GRAMD1B: variants seen among roughly 807,000 people sequenced by gnomAD.
The protein encoded by GRAMD1B is GRAM domain containing 1B.
GRAMD1B carries 37 observed loss-of-function variants against 99.7 expected under a neutral mutation model. That is an observed-to-expected ratio of 0.37 (90% CI 0.29 to 0.49). GRAMD1B has a LOEUF of 0.49. Among genes scored for constraint, GRAMD1B ranks in the 20% least tolerant of loss-of-function variants. The pLI, the probability that GRAMD1B is intolerant of heterozygous loss-of-function variation, is 0.98. For synonymous variants in GRAMD1B, 427 were observed against 387.6 expected (o/e 1.10, Z -1.19); for missense variants, 888 against 1,009.2 (o/e 0.88, Z 1.63).
At chr11:123,527,524 T>C (rs1284167261) in intron 2 of GRAMD1B, among the ~76,000 whole-genome samples, 1 of 152,154 alleles carries the variant, frequency 6.6e-6, no homozygotes, top group Admixed American at 6.5e-5. Context: ...TTGCTATCCC[T>C]CTCTCTTACA....
chr11:123,469,257 G>T (rs148876554), intron 1 of GRAMD1B, among the ~76,000 whole-genome samples: 1 of 152,264 alleles, frequency 6.6e-6, no homozygotes, highest in Non-Finnish European at 1.5e-5. Flanking sequence ...GAAGGCTAAA[G>T]GATTTTAAGC....
intron 1 of GRAMD1B, among the ~76,000 whole-genome samples, chr11:123,387,451 A>C (rs1947104820): frequency 6.6e-6 from 1 of 152,062 alleles, no homozygotes; most frequent in Non-Finnish European, 1.5e-5. Flanking sequence ...AAACTCCCCA[A>C]AGTCACTGAG....
chr11:123,443,187 A>T (rs1405526149), intron 1 of GRAMD1B, among the ~76,000 whole-genome samples: 1 of 152,232 alleles, frequency 6.6e-6, no homozygotes, highest in African/African-American at 2.4e-5. Context: ...AACGCCTCTG[A>T]CAGAGCTGCT....
intron 1 of GRAMD1B, among the ~76,000 whole-genome samples, chr11:123,373,797 C>A (rs1946607666): frequency 6.6e-6 from 1 of 152,184 alleles, no homozygotes; most frequent in Admixed American, 6.5e-5. Flanking sequence ...TTCTGTGAAA[C>A]CCTAAACAAA....
chr11:123,381,505 A>G (rs575284075), intron 1 of GRAMD1B: 1 of 154,026 alleles, frequency 6.5e-6, no homozygotes, highest in Non-Finnish European at 1.5e-5. Context: ...AGGCCTTCCC[A>G]TCTCTGGTTG....
chr11:123,567,112 C>G (rs1408631584), intron 2 of GRAMD1B, among the ~76,000 whole-genome samples: 1 of 151,980 alleles, frequency 6.6e-6, no homozygotes, highest in South Asian at 2.1e-4. Flanking sequence ...AAGGAACCAG[C>G]ATTCAAAATG....
chr11:123,572,872 G>T (rs1273753901), intron 2 of GRAMD1B, among the ~76,000 whole-genome samples: 1 of 148,776 alleles, frequency 6.7e-6, no homozygotes, highest in Non-Finnish European at 1.5e-5. Context: ...GCACAGGTAG[G>T]CCCCGATGGC....
chr11:123,424,480 C>T (rs1272486497), intron 1 of GRAMD1B, among the ~76,000 whole-genome samples: 2 of 151,962 alleles, frequency 1.3e-5, no homozygotes, highest in African/African-American at 2.4e-5. Context: ...TAAAAACAAA[C>T]AACCAACCAA....
At position 123,448,698 on chromosome 11, in the gene GRAMD1B, G is replaced by A. The variant is rs573640117; in HGVS notation, c.374+17532G>A. Reference sequence around the variant, plus strand: ...AAACTCAGCTTGTCTTTTTGTAATTGAACTCATTATTTTTCCCTTCAAACC... The same window carrying A: ...AAACTCAGCTTGTCTTTTTGTAATTAAACTCATTATTTTTCCCTTCAAACC... On this transcript the variant is annotated intron_variant, in intron 1 of 19. Transcript: ENST00000635736. 1.2e-4 allele frequency among the ~76,000 whole-genome samples: 19 copies of A among 152,250 alleles called. No individual in the cohort carries two copies. In the South Asian group the frequency reaches 3.9e-3, roughly 32 times the overall value.
chr11:123,362,987 C>G (rs1946196255), intron 1 of GRAMD1B, among the ~76,000 whole-genome samples: 1 of 151,570 alleles, frequency 6.6e-6, no homozygotes, highest in Admixed American at 6.6e-5. Context: ...GGAAGCAAGC[C>G]AAAGAGGAGG....
At chr11:123,617,584 G>A (rs1354161542) in intron 17 of GRAMD1B, among the ~76,000 whole-genome samples, 1 of 152,086 alleles carries the variant, frequency 6.6e-6, no homozygotes, top group Admixed American at 6.5e-5. Flanking sequence ...CCTGTGGTGT[G>A]CCGGGATATT....
In GRAMD1B at chr11:123,513,189, C is replaced by T. The variant is rs142146533; in HGVS notation, c.452+32296C>T. On this transcript the variant is annotated intron_variant, in intron 2 of 19. Transcript: ENST00000635736. ...CTGAGATACTATTCCCAGAATTTCC[C>T]CTAGCCGCAATGTACTGGGTTAATT... Among the ~76,000 whole-genome samples, 275 of 152,300 alleles carry T rather than the reference C, an allele frequency of 1.8e-3. 2 individuals are homozygous for T. Among genetic ancestry groups the T allele is most frequent in the African/African-American group, 6.4e-3 (267 of 41,560 alleles).
At chr11:123,548,525 C>A (rs981966455) in intron 2 of GRAMD1B, among the ~76,000 whole-genome samples, 2 of 151,780 alleles carry the variant, frequency 1.3e-5, no homozygotes, top group African/African-American at 4.8e-5. Flanking sequence ...TGAGTACCTG[C>A]ATGCAAGCAC....
chr11:123,520,536 C>G (rs746539982), intron 2 of GRAMD1B, among the ~76,000 whole-genome samples: 9 of 151,688 alleles, frequency 5.9e-5, no homozygotes, highest in Non-Finnish European at 1.3e-4. Flanking sequence ...TTTGAGAGAC[C>G]AAGGCGGGTG....
At chr11:123,452,159 G>C (rs940861156) in intron 1 of GRAMD1B, among the ~76,000 whole-genome samples, 1 of 152,118 alleles carries the variant, frequency 6.6e-6, no homozygotes, top group Non-Finnish European at 1.5e-5. Context: ...TTGACCATCC[G>C]TTAGGCAGTC....
At chr11:123,619,275 C>T (rs1197467364) in intron 19 of GRAMD1B, 51 bp downstream of exon 19, 19 of 1,545,984 alleles carry the variant, frequency 1.2e-5, no homozygotes, top group Non-Finnish European at 1.7e-5. Context: ...AGCGGGGACT[C>T]CTTCCCTTAT....
At chr11:123,589,624 A>ATATG (rs980134646) in intron 4 of GRAMD1B, among the ~76,000 whole-genome samples, 2 of 142,116 alleles carry the variant, frequency 1.4e-5, no homozygotes, top group Non-Finnish European at 3.0e-5. Flanking sequence ...TTATATATAT[A>ATATG]TATATATATA....
intron 1 of GRAMD1B, among the ~76,000 whole-genome samples, chr11:123,386,696 G>A (rs1232854313): frequency 1.3e-5 from 2 of 152,120 alleles, no homozygotes; most frequent in African/African-American, 4.8e-5. Context: ...TGATCTGCCT[G>A]CCTCAGCCTC....
chr11:123,372,348 C>G (rs1034012148), intron 1 of GRAMD1B, among the ~76,000 whole-genome samples: 4 of 152,180 alleles, frequency 2.6e-5, no homozygotes, highest in Admixed American at 6.5e-5. Context: ...AACCTAGATT[C>G]ATCTCATTTA....
Sources: allele counts gnomAD v4.1 joint callset (sites outside exome capture counted in the v4.1 genomes callset), GRCh38; gene constraint gnomAD v4.1.1; transcripts MANE v1.5; gene names NCBI Gene and HGNC (gene_info 2026-07-23, HGNC 2026-07-21).